Variants in TAF3 observed in about 807,000 individuals in gnomAD.
The protein encoded by TAF3 is transcription initiation factor TFIID subunit 3.
Under a neutral mutation model 80.6 loss-of-function variants are expected in TAF3, and 7 were observed. That is an observed-to-expected ratio of 0.09 (90% CI 0.05 to 0.16). The LOEUF (loss-of-function observed/expected upper bound fraction) is 0.16, where lower values mean the gene tolerates loss of function less well. Ranked by LOEUF, TAF3 falls within the 10% of genes least tolerant of loss-of-function variation. TAF3 has a pLI of 1.00. For synonymous variants in TAF3, 444 were observed against 446.1 expected (o/e 1.00, Z 0.06); for missense variants, 921 against 1,140.2 (o/e 0.81, Z 2.77).
At chr10:7,991,551 G>C in intron 4 of TAF3, among the ~76,000 whole-genome samples, 1 of 152,000 alleles carries the variant, frequency 6.6e-6, no homozygotes, top group East Asian at 1.9e-4. Context: ...GGCAATCTCA[G>C]AGCAGAATGA....
Position 8,009,372 on chromosome 10 carries a change from C to A in TAF3, c.2568+42C>A. On this transcript the variant is annotated intron_variant, in intron 5 of 6. Transcript: ENST00000344293. The surrounding 1 kb of genome is among the most constrained non-coding windows in gnomAD (Gnocchi z 4.1). ...CGCGCGGTTAGCATGGAGACGTTTT[C>A]AGATCGAGACAAGTGTGTGCTCTGA... is the stretch of plus-strand genomic sequence containing the variant. 1 of 1,560,238 alleles carries A rather than the reference C, an allele frequency of 6.4e-7. No individual in the cohort carries two copies. Among genetic ancestry groups the A allele is most frequent in the Non-Finnish European group, 8.7e-7 (1 of 1,150,802 alleles).
intron 6 of TAF3, among the ~76,000 whole-genome samples, chr10:8,014,125 C>T (rs1352698072): frequency 6.6e-6 from 1 of 152,168 alleles, no homozygotes; most frequent in East Asian, 1.9e-4. Context: ...CCCTGGCCTT[C>T]CTTTCCAGTA....
chr10:7,969,685 G>A (rs1831604231), intron 3 of TAF3, among the ~76,000 whole-genome samples: 1 of 152,126 alleles, frequency 6.6e-6, no homozygotes. Flanking sequence ...CTGTCAAAGT[G>A]GGGGATCTGT....
intron 2 of TAF3, among the ~76,000 whole-genome samples, chr10:7,835,295 G>A (rs376741677): frequency 8.0e-5 from 12 of 150,046 alleles, no homozygotes; most frequent in African/African-American, 2.7e-4. Flanking sequence ...ATTCAAAGCC[G>A]TCCTGGGCCG....
intron 2 of TAF3, among the ~76,000 whole-genome samples, chr10:7,826,738 T>C (rs867174126): frequency 4.6e-5 from 7 of 152,224 alleles, no homozygotes; most frequent in Middle Eastern, 3.2e-3. Flanking sequence ...AGTAAGATGC[T>C]TGTCAAAACG....
Position 7,930,414 on chromosome 10 carries a change from C to G in TAF3, c.410-33506C>G, listed in dbSNP as rs115850251. ...CCATTTAGTATATAGACTCGTACAG[C>G]CCTATTTCTAGAGTAGGGAGTACAA... On this transcript the variant is annotated intron_variant, in intron 2 of 6. Coordinates refer to ENST00000344293, the MANE Select transcript of TAF3 (RefSeq NM_031923.4). Among the ~76,000 whole-genome samples, 1,277 of 152,248 alleles carry G rather than the reference C, an allele frequency of 8.4e-3. 15 individuals are homozygous for G. Among genetic ancestry groups the G allele is most frequent in the African/African-American group, 0.028 (1,147 of 41,528 alleles).
intron 2 of TAF3, among the ~76,000 whole-genome samples, chr10:7,961,880 C>T (rs895897048): frequency 9.9e-5 from 15 of 151,902 alleles, no homozygotes; most frequent in African/African-American, 3.4e-4. Context: ...AATAGGGTCT[C>T]GCTCTGTCGC....
At chr10:7,966,609 A>G (rs1452628756) in intron 3 of TAF3, among the ~76,000 whole-genome samples, 2 of 152,172 alleles carry the variant, frequency 1.3e-5, no homozygotes. Context: ...GTGCCACCCC[A>G]GAGCTCCTGA....
At chr10:7,932,354 A>G (rs1032640525) in intron 2 of TAF3, among the ~76,000 whole-genome samples, 10 of 152,198 alleles carry the variant, frequency 6.6e-5, no homozygotes, top group Non-Finnish European at 1.5e-5. Flanking sequence ...CAGAGAGGGA[A>G]TGGCATCTCA....
chr10:7,906,209 C>T lies in TAF3; in HGVS notation c.410-57711C>T, dbSNP rs189566019. Among the ~76,000 whole-genome samples, 271 of 152,302 alleles carry T rather than the reference C, an allele frequency of 1.8e-3. 1 individual carries two copies. The highest frequency in any genetic ancestry group is 6.2e-3 in the African/African-American group (256 of 41,570). On this transcript the variant is annotated intron_variant, in intron 2 of 6. Transcript: ENST00000344293. ...ATTTTTCCTACTGAAGTTATAGTTT[C>T]AGTGTCTTATCTTTAATTTCAGTAT... is the stretch of plus-strand genomic sequence containing the variant.
intron 6 of TAF3, among the ~76,000 whole-genome samples, 170 bp downstream of exon 6, chr10:8,014,007 C>T (rs1727639407): frequency 6.6e-6 from 1 of 152,156 alleles, no homozygotes; most frequent in Non-Finnish European, 1.5e-5. Flanking sequence ...ACTGCAAAAC[C>T]CAAGAGTGCT....
intron 4 of TAF3, among the ~76,000 whole-genome samples, chr10:7,978,310 T>C (rs756150067): frequency 3.0e-4 from 46 of 152,226 alleles, no homozygotes; most frequent in Non-Finnish European, 5.1e-4. Flanking sequence ...TCATTTCATC[T>C]TAAAAGTTAC....
intron 2 of TAF3, among the ~76,000 whole-genome samples, chr10:7,945,882 T>A (rs1221527653): frequency 6.6e-6 from 1 of 152,256 alleles, no homozygotes; most frequent in African/African-American, 2.4e-5. Flanking sequence ...GTTGCCTATC[T>A]GCCCTGCTAG....
At chr10:7,836,212 C>T (rs1239784599) in intron 2 of TAF3, among the ~76,000 whole-genome samples, 3 of 152,134 alleles carry the variant, frequency 2.0e-5, no homozygotes, top group Non-Finnish European at 4.4e-5. Context: ...GCTGATGCCT[C>T]CCCAAACTGT....
At chr10:7,834,878 G>A (rs906769783) in intron 2 of TAF3, among the ~76,000 whole-genome samples, 1 of 152,022 alleles carries the variant, frequency 6.6e-6, no homozygotes, top group Non-Finnish European at 1.5e-5. Flanking sequence ...TGTGTATCTT[G>A]TCAGATCATA....
At chr10:7,863,555 A>T (rs1284299213) in intron 2 of TAF3, among the ~76,000 whole-genome samples, 1 of 144,948 alleles carries the variant, frequency 6.9e-6, no homozygotes, top group East Asian at 2.0e-4. Context: ...GGTTGCAGCG[A>T]GCTGAGATCG....
At chr10:7,855,706 A>AG (rs1837071922) in intron 2 of TAF3, among the ~76,000 whole-genome samples, 1 of 152,220 alleles carries the variant, frequency 6.6e-6, no homozygotes. Flanking sequence ...AGACAAAGGA[A>AG]GAAAACATCT....
At chr10:7,849,024 T>A (rs969850304) in intron 2 of TAF3, among the ~76,000 whole-genome samples, 2 of 152,096 alleles carry the variant, frequency 1.3e-5, no homozygotes, top group African/African-American at 4.8e-5. Flanking sequence ...ACATGGTGAG[T>A]TTATATCACA....
chr10:7,836,859 A>T (rs889092217), intron 2 of TAF3, among the ~76,000 whole-genome samples: 3 of 152,238 alleles, frequency 2.0e-5, no homozygotes, highest in East Asian at 3.8e-4. Flanking sequence ...ATTATAAAAC[A>T]CTTTGTTGGC....
Sources: allele counts gnomAD v4.1 joint callset (sites outside exome capture counted in the v4.1 genomes callset), GRCh38; gene constraint gnomAD v4.1.1; non-coding constraint Gnocchi (gnomAD v3.1); transcripts MANE v1.5; gene names NCBI Gene and HGNC (gene_info 2026-07-23, HGNC 2026-07-21).